ADGRL3: variants seen among roughly 807,000 people sequenced by gnomAD.
ADGRL3 encodes calcium-independent alpha-latrotoxin receptor 3.
ADGRL3 carries 62 observed loss-of-function variants against 153.5 expected under a neutral mutation model. That is an observed-to-expected ratio of 0.40 (90% CI 0.33 to 0.50). The LOEUF (loss-of-function observed/expected upper bound fraction) is 0.50. ADGRL3 is among the 20% of genes least tolerant of loss of function. The pLI is 0.47. For synonymous variants in ADGRL3, 710 were observed against 672.5 expected, an observed-to-expected ratio of 1.06 and a Z score of -0.86; for missense variants, 1,641 against 1,859.4, an observed-to-expected ratio of 0.88 and a Z score of 2.16.
At chr4:61,847,628 A>G (rs1227951462) in intron 9 of ADGRL3, among the ~76,000 whole-genome samples, 1 of 35,528 alleles carries the variant, frequency 2.8e-5, no homozygotes, top group Non-Finnish European at 6.5e-5. Context: ...TATAATATAA[A>G]ATATATTATA....
intron 11 of ADGRL3, among the ~76,000 whole-genome samples, chr4:61,900,310 TC>T (rs1399724427): frequency 6.6e-6 from 1 of 152,114 alleles, no homozygotes; most frequent in Non-Finnish European, 1.5e-5. Context: ...TGTTTTTTTT[TC>T]CCCCAGCAAT....
rs559506314 is a variant in ADGRL3, at chr4:61,200,551, C to A, written c.-1454C>A. Among the ~76,000 whole-genome samples the A allele has an allele frequency of 7.3e-5, 11 of 150,450 alleles. No homozygotes were observed. Among genetic ancestry groups the A allele is most frequent in the South Asian group, 2.1e-4 (1 of 4,762 alleles). Reference sequence around the variant, plus strand: ...TGCTGCTGGTTTTTCTCGGACTGCTCGTTGCCTCCGCTCCGGCAGCTGCTG... The same window carrying A: ...TGCTGCTGGTTTTTCTCGGACTGCTAGTTGCCTCCGCTCCGGCAGCTGCTG... On this transcript the variant is annotated 5_prime_UTR_variant, in exon 1 of 27. Transcript: ENST00000683033.
chr4:61,324,831 A>G (rs2095433312), intron 1 of ADGRL3, among the ~76,000 whole-genome samples: 2 of 152,176 alleles, frequency 1.3e-5, no homozygotes, highest in Non-Finnish European at 2.9e-5. Context: ...CCTGTTTGTG[A>G]CAAATATTGT....
At chr4:61,898,078 C>G (rs2098641907) in intron 11 of ADGRL3, among the ~76,000 whole-genome samples, 1 of 152,008 alleles carries the variant, frequency 6.6e-6, no homozygotes, top group Non-Finnish European at 1.5e-5. Flanking sequence ...CCTTACTTAC[C>G]CTCCACCCTC....
chr4:61,557,396 A>G (rs1329335395), intron 4 of ADGRL3, among the ~76,000 whole-genome samples: 1 of 152,176 alleles, frequency 6.6e-6, no homozygotes, highest in Non-Finnish European at 1.5e-5. Flanking sequence ...TATTACAAAT[A>G]CATCATTGAT....
intron 5 of ADGRL3, among the ~76,000 whole-genome samples, chr4:61,609,814 G>A (rs28377064): frequency 0.017 from 2,601 of 152,054 alleles, 69 homozygotes; most frequent in African/African-American, 0.054. Context: ...AAAATGGCCT[G>A]TGAGCAGTCA....
chr4:61,368,707 T>A (rs1030553655), intron 1 of ADGRL3, among the ~76,000 whole-genome samples: 15 of 152,158 alleles, frequency 9.9e-5, no homozygotes, highest in Non-Finnish European at 1.0e-4. Flanking sequence ...GACTTGGCAA[T>A]GCGGGCTCTT....
intron 11 of ADGRL3, among the ~76,000 whole-genome samples, chr4:61,900,643 A>G (rs1017100527): frequency 3.3e-5 from 5 of 152,232 alleles, no homozygotes; most frequent in Non-Finnish European, 5.9e-5. Context: ...AGAGAGGGAA[A>G]GGGAGAGGAA....
intron 8 of ADGRL3, among the ~76,000 whole-genome samples, chr4:61,740,165 G>A (rs1397954414): frequency 6.6e-6 from 1 of 152,036 alleles, no homozygotes; most frequent in African/African-American, 2.4e-5. Context: ...ATCAAATCTA[G>A]AATTTTCTTC....
intron 1 of ADGRL3, among the ~76,000 whole-genome samples, chr4:61,333,272 C>G (rs2095610117): frequency 6.6e-6 from 1 of 152,118 alleles, no homozygotes; most frequent in Non-Finnish European, 1.5e-5. Flanking sequence ...TATATAAGGT[C>G]TTACCACAAA....
intron 6 of ADGRL3, among the ~76,000 whole-genome samples, chr4:61,684,723 A>C (rs900864332): frequency 2.6e-5 from 4 of 152,008 alleles, no homozygotes; most frequent in Admixed American, 1.3e-4. Context: ...GCTAGCTCTG[A>C]TTTGGTTCTG....
At chr4:61,869,575 G>A (rs186631490) in intron 9 of ADGRL3, among the ~76,000 whole-genome samples, 2,850 of 151,754 alleles carry the variant, frequency 0.019, 91 homozygotes, top group African/African-American at 0.064. Context: ...TCCGCAGTCT[G>A]GCCTGGGCGA....
chr4:61,503,472 A>G (rs1002702383), intron 3 of ADGRL3, among the ~76,000 whole-genome samples: 2 of 152,022 alleles, frequency 1.3e-5, no homozygotes, highest in African/African-American at 4.8e-5. Flanking sequence ...TATACAATAT[A>G]AAGTCATTGT....
chr4:62,029,379 A>G lies in ADGRL3; in HGVS notation c.3422+498A>G, dbSNP rs1396362786. 3.3e-5 allele frequency among the ~76,000 whole-genome samples: 5 copies of G among 151,882 alleles called. No individual in the cohort carries two copies. In the East Asian group the frequency reaches 9.6e-4, roughly 29 times the overall value. On this transcript the variant is annotated intron_variant, in intron 22 of 26. Transcript: ENST00000683033. ...GAAAAAAATGCCTTCTTCAAAATTC[A>G]TTTTTACATATGCAAAATTATCCCT...
intron 1 of ADGRL3, among the ~76,000 whole-genome samples, chr4:61,349,365 C>T (rs904096783): frequency 6.6e-6 from 1 of 151,960 alleles, no homozygotes; most frequent in Non-Finnish European, 1.5e-5. Context: ...TACTGAGAAC[C>T]ATTATGTGTT....
At chr4:61,379,492 G>T (rs942779021) in intron 1 of ADGRL3, among the ~76,000 whole-genome samples, 10 of 151,896 alleles carry the variant, frequency 6.6e-5, no homozygotes, top group African/African-American at 2.2e-4. Flanking sequence ...TCTCTAACTC[G>T]TTGTATTGTT....
At chr4:61,244,492 C>T (rs1010046881) in intron 1 of ADGRL3, among the ~76,000 whole-genome samples, 1 of 151,884 alleles carries the variant, frequency 6.6e-6, no homozygotes. Context: ...GTGATATGTT[C>T]TCTTATATGA....
At chr4:61,914,704 T>A (rs1438049413) in intron 13 of ADGRL3, among the ~76,000 whole-genome samples, 1 of 152,144 alleles carries the variant, frequency 6.6e-6, no homozygotes, top group East Asian at 1.9e-4. Context: ...CACATTCCAC[T>A]ATCCTTCTGG....
chr4:61,934,844 T>C lies in ADGRL3; in HGVS notation c.2117T>C (p.Met706Thr), dbSNP rs375918125. 4.3e-6 allele frequency: 7 copies of C among 1,613,018 alleles called. No homozygotes were observed. The highest frequency in any genetic ancestry group is 1.7e-5 in the Admixed American group (1 of 59,824). ...ERSCRAYVQA[M>T]VETVNNLLQP... ...ATTCTTTTCATCCTCTTGTAGGCAA[T>C]GGTCGAGACAGTTAACAACCTCCTT... is the stretch of plus-strand genomic sequence containing the variant. The change falls in exon 14 of 27, where the codon ATG becomes ACG. Residue 706 changes from methionine to threonine, a missense_variant. Met to Thr is a moderately conservative substitution (Grantham distance 81). This residue lies in a region of ADGRL3 where 734 missense variants were observed against 797.0 expected (regional missense o/e 0.92). Transcript: ENST00000683033.
Sources: gnomAD v4.1 joint callset for allele counts (sites outside exome capture counted in the v4.1 genomes callset) on GRCh38, gnomAD v4.1.1 for gene constraint, gnomAD v4.1.1 regional missense constraint, MANE v1.5 for transcripts, NCBI Gene and HGNC (gene_info 2026-07-23, HGNC 2026-07-21) for gene names.